The following RNF24 variants were observed in gnomAD, a reference collection of about 807,000 sequenced individuals.
The protein encoded by RNF24 is ring finger protein 24.
A neutral mutation model predicts 20.0 loss-of-function variants in RNF24; 14 were observed. That is an observed-to-expected ratio of 0.70 (90% CI 0.46 to 1.10). The LOEUF (loss-of-function observed/expected upper bound fraction) is 1.10, where lower values mean the gene tolerates loss of function less well. Ranked by LOEUF, RNF24 falls within the 50% of genes least tolerant of loss-of-function variation. The pLI is 0.00. For missense variants in RNF24, 124 were observed against 177.6 expected (o/e 0.70, Z 1.71); for synonymous variants, 45 against 61.1 (o/e 0.74, Z 1.23).
At chr20:3,942,093 G>A (rs373303732) in intron 4 of RNF24, among the ~76,000 whole-genome samples, 43 of 143,522 alleles carry the variant, frequency 3.0e-4, no homozygotes, top group African/African-American at 1.1e-3. Flanking sequence ...AAAAAAAAAA[G>A]AAAAGAAAAA....
Position 3,932,429 on chromosome 20 carries a change from T to C in RNF24, c.*1634A>G, listed in dbSNP as rs1467012293. ...GTCACACATAGGAAATGGCCTATTT[T>C]GACCAACTGGATTTGTAATTTTCCA... On this transcript the variant is annotated 3_prime_UTR_variant, in exon 6 of 6. Coordinates refer to ENST00000358395, the MANE Select transcript of RNF24 (RefSeq NM_001134337.3). 1 of 153,008 alleles carries C rather than the reference T, an allele frequency of 6.5e-6. No individual in the cohort carries two copies. Among genetic ancestry groups the C allele is most frequent in the Non-Finnish European group, 1.5e-5 (1 of 68,598 alleles). 9.5% of individuals were successfully genotyped at this position (153,008 alleles called of 1,614,324 possible).
chr20:3,986,976 T>C (rs2300215), intron 1 of RNF24, among the ~76,000 whole-genome samples: 108,595 of 151,994 alleles, frequency 0.71, 38,982 homozygotes, highest in South Asian at 0.81. Flanking sequence ...AGCATGATCA[T>C]AGCTCACTGC....
intron 2 of RNF24, among the ~76,000 whole-genome samples, chr20:3,951,664 C>A (rs1431751609): frequency 6.6e-6 from 1 of 152,092 alleles, no homozygotes; most frequent in Non-Finnish European, 1.5e-5. Context: ...TGGTCTTAAT[C>A]TATGGGAAGA....
At chr20:3,947,036 C>T (rs1330421963) in intron 3 of RNF24, among the ~76,000 whole-genome samples, 2 of 152,078 alleles carry the variant, frequency 1.3e-5, no homozygotes, top group African/African-American at 4.8e-5. Context: ...ACTAAAAATA[C>T]AAAAATTAGC....
intron 1 of RNF24, among the ~76,000 whole-genome samples, chr20:3,998,574 CAAAAAAAAAAAA>C (rs34012774): frequency 5.9e-3 from 186 of 31,354 alleles, no homozygotes; most frequent in African/African-American, 0.022. Flanking sequence ...GACTCTATCT[CAAAAAAAAAAAA>C]AAAAAAAAAA....
At position 3,980,504 on chromosome 20, in the gene RNF24, C is replaced by T. The variant is rs148853613; in HGVS notation, c.-7-16480G>A. 4.1e-3 allele frequency among the ~76,000 whole-genome samples: 618 copies of T among 152,172 alleles called. 3 individuals are homozygous for T. The highest frequency in any genetic ancestry group is 0.014 in the African/African-American group (596 of 41,510). Reference sequence around the variant, plus strand: ...TACACTACTCAGAATGGTGAATAATCGAAAACTTACAAATTGTTTTGGGAA... The same window carrying T: ...TACACTACTCAGAATGGTGAATAATTGAAAACTTACAAATTGTTTTGGGAA... On this transcript the variant is annotated intron_variant, in intron 1 of 5. Coordinates refer to ENST00000358395, the MANE Select transcript of RNF24 (RefSeq NM_001134337.3).
At chr20:3,965,761 T>C (rs2091250753) in intron 1 of RNF24, among the ~76,000 whole-genome samples, 1 of 152,072 alleles carries the variant, frequency 6.6e-6, no homozygotes, top group Admixed American at 6.6e-5. Flanking sequence ...AGCCAAGACT[T>C]AGATGGCTGT....
chr20:4,006,442 A>G (rs1981883525), intron 1 of RNF24, among the ~76,000 whole-genome samples: 1 of 152,176 alleles, frequency 6.6e-6, no homozygotes, highest in African/African-American at 2.4e-5. Flanking sequence ...CCTAATTCAA[A>G]TGATCAAAAC....
chr20:3,930,339 A>C lies in RNF24; in HGVS notation c.*3724T>G, dbSNP rs2090804565. ...TCAGGGAAAGCCCCTACAGCTCAGG[A>C]AGCTTTTTGGCTGAGGTTCTGTTCC... On this transcript the variant is annotated 3_prime_UTR_variant, in exon 6 of 6. Coordinates refer to ENST00000358395, the MANE Select transcript of RNF24 (RefSeq NM_001134337.3). The C allele has an allele frequency of 6.6e-6, 1 of 152,192 alleles. No homozygotes were observed. The highest frequency in any genetic ancestry group is 6.5e-5 in the Admixed American group (1 of 15,270). The allele number at this position is 152,192 out of a possible 1,614,324, so 9.4% of individuals were successfully genotyped here. A position where few individuals can be genotyped will look rare whatever the true frequency, so the allele number is the denominator to read the frequency against.
At chr20:3,948,196 G>T in intron 3 of RNF24, 41 bp downstream of exon 3, 2 of 1,473,906 alleles carry the variant, frequency 1.4e-6, no homozygotes, top group Non-Finnish European at 1.9e-6. Flanking sequence ...TTTTTTGGGG[G>T]GAAAAAAAAA....
In RNF24 at chr20:3,929,894, T is replaced by C. The variant is rs1353010125; in HGVS notation, c.*4169A>G. The C allele has an allele frequency of 6.6e-6, 1 of 152,162 alleles. No individual in the cohort carries two copies. The highest frequency in any genetic ancestry group is 1.5e-5 in the Non-Finnish European group (1 of 68,024). 9.4% of individuals were successfully genotyped at this position (152,162 alleles called of 1,614,324 possible). On this transcript the variant is annotated 3_prime_UTR_variant, in exon 6 of 6. Coordinates refer to ENST00000358395, the MANE Select transcript of RNF24 (RefSeq NM_001134337.3). ...GAAAATATGTCTTACTCAACAGGAGTGTGATTGCAAAAACATCCCCCAATT... is the reference window on the plus strand; with the variant it reads ...GAAAATATGTCTTACTCAACAGGAGCGTGATTGCAAAAACATCCCCCAATT...
At chr20:3,999,412 G>C (rs77198645) in intron 1 of RNF24, among the ~76,000 whole-genome samples, 1 of 152,044 alleles carries the variant, frequency 6.6e-6, no homozygotes, top group Non-Finnish European at 1.5e-5. Flanking sequence ...GGCTTTTCTC[G>C]TCATTTGTGA....
At chr20:3,979,967 GAATT>G (rs1568646624) in intron 1 of RNF24, among the ~76,000 whole-genome samples, 1 of 151,816 alleles carries the variant, frequency 6.6e-6, no homozygotes, top group Non-Finnish European at 1.5e-5. Flanking sequence ...CCAGAAGAAG[GAATT>G]AATAAAGGTC....
At chr20:3,965,343 C>T (rs1024570143) in intron 1 of RNF24, among the ~76,000 whole-genome samples, 3 of 152,136 alleles carry the variant, frequency 2.0e-5, no homozygotes, top group Admixed American at 6.6e-5. Context: ...ACTGTTGACA[C>T]CACTGAGATG....
At chr20:3,946,097 A>G (rs533576339) in intron 3 of RNF24, among the ~76,000 whole-genome samples, 11 of 152,328 alleles carry the variant, frequency 7.2e-5, no homozygotes, top group Middle Eastern at 6.8e-3. Context: ...TTATCAGTCA[A>G]TTTCACTTAA....
intron 2 of RNF24, among the ~76,000 whole-genome samples, chr20:3,950,978 C>A (rs1011274022): frequency 1.3e-5 from 2 of 152,074 alleles, no homozygotes; most frequent in Admixed American, 6.6e-5. Flanking sequence ...TTTTTGGAGA[C>A]AGAGTCTCGC....
At position 3,931,428 on chromosome 20, in the gene RNF24, CAAA is replaced by C. The variant is rs764985046; in HGVS notation, c.*2632_*2634del. The C allele has an allele frequency of 1.3e-5, 2 of 152,140 alleles. No homozygotes were observed. The highest frequency in any genetic ancestry group is 2.9e-5 in the Non-Finnish European group (2 of 68,020). The allele number at this position is 152,140 out of a possible 1,614,324, so 9.4% of individuals were successfully genotyped here. A position where few individuals can be genotyped will look rare whatever the true frequency, so the allele number is the denominator to read the frequency against. On this transcript the variant is annotated 3_prime_UTR_variant, in exon 6 of 6. Coordinates refer to ENST00000358395, the MANE Select transcript of RNF24 (RefSeq NM_001134337.3). ...AATAAAAAAAGGACTGTCTTTCAAA[CAAA>C]AACCCTGCGATTTTAATGAGAATTA...
At chr20:4,005,857 T>A (rs1981823430) in intron 1 of RNF24, among the ~76,000 whole-genome samples, 1 of 152,172 alleles carries the variant, frequency 6.6e-6, no homozygotes, top group Non-Finnish European at 1.5e-5. Context: ...AACTATTAAT[T>A]TTGAGAATTC....
At chr20:3,977,525 A>G (rs1978969060) in intron 1 of RNF24, among the ~76,000 whole-genome samples, 1 of 152,148 alleles carries the variant, frequency 6.6e-6, no homozygotes. Context: ...GGTAGGAACA[A>G]AACGAAAAAT....
Sources: allele counts gnomAD v4.1 joint callset (sites outside exome capture counted in the v4.1 genomes callset), GRCh38; gene constraint gnomAD v4.1.1; transcripts MANE v1.5; gene names NCBI Gene and HGNC (gene_info 2026-07-23, HGNC 2026-07-21).